Variants in CEP97 observed in about 807,000 individuals in gnomAD.
CEP97 encodes centrosomal protein of 97 kDa.
In CEP97, 43 loss-of-function variants were observed where a neutral mutation model predicts 73.1. The observed-to-expected ratio is 0.59, with a 90% CI of 0.46 to 0.76. The LOEUF (loss-of-function observed/expected upper bound fraction) is 0.76, where lower values mean the gene tolerates loss of function less well. Ranked by LOEUF, CEP97 falls within the 30% of genes least tolerant of loss-of-function variation. The pLI is 0.00. For synonymous variants in CEP97, 337 were observed against 370.0 expected (o/e 0.91, Z 1.02); for missense variants, 939 against 1,014.0 (o/e 0.93, Z 1.00).
At chr3:101,727,613 A>G in intron 3 of CEP97, 72 bp downstream of exon 3, 1 of 1,422,132 alleles carries the variant, frequency 7.0e-7, no homozygotes, top group South Asian at 1.4e-5. Flanking sequence ...AAATAAGTCA[A>G]ATTAAAAAGT....
rs1034635625 is a variant in CEP97, at chr3:101,765,217, A to C, written c.2264A>C (p.His755Pro). 1.2e-6 allele frequency: 2 copies of C among 1,614,236 alleles called. No individual in the cohort carries two copies. The highest frequency in any genetic ancestry group is 8.5e-7 in the Non-Finnish European group (1 of 1,180,034). ...ESDLGDVSEEHGEWNKESSNN... is the reference protein window; with the variant it reads ...ESDLGDVSEEPGEWNKESSNN... ...GATTTAGGGGATGTTAGTGAAGAACATGGTGAATGGAATAAGGAAAGCTCA... is the reference window on the plus strand; with the variant it reads ...GATTTAGGGGATGTTAGTGAAGAACCTGGTGAATGGAATAAGGAAAGCTCA... Residue 755 changes from histidine to proline, a missense_variant, in exon 11 of 11, where the codon CAT becomes CCT. Transcript: ENST00000341893.
intron 9 of CEP97, among the ~76,000 whole-genome samples, chr3:101,762,190 C>T (rs1038466132): frequency 6.6e-6 from 1 of 152,080 alleles, no homozygotes; most frequent in African/African-American, 2.4e-5. Context: ...TTTCTTATTA[C>T]TGGAAATACT....
chr3:101,737,686 G>A (rs546340138), intron 6 of CEP97, among the ~76,000 whole-genome samples: 1 of 152,172 alleles, frequency 6.6e-6, no homozygotes, highest in Admixed American at 6.5e-5. Flanking sequence ...AACCACTGAA[G>A]GAAGCACTAA....
At chr3:101,746,362 G>A (rs1373826278) in intron 6 of CEP97, among the ~76,000 whole-genome samples, 1 of 151,650 alleles carries the variant, frequency 6.6e-6, no homozygotes, top group Non-Finnish European at 1.5e-5. Flanking sequence ...AGAGCCCTCA[G>A]AAATAACGCC....
chr3:101,733,086 G>A (rs1436467267), intron 6 of CEP97, among the ~76,000 whole-genome samples: 1 of 152,094 alleles, frequency 6.6e-6, no homozygotes, highest in Non-Finnish European at 1.5e-5. Context: ...TTGTGTCATT[G>A]CACTCTACCT....
At position 101,762,521 on chromosome 3, in the gene CEP97, A is replaced by C. The variant is rs1363414868; in HGVS notation, c.1854A>C (p.Lys618Asn). The C allele has an allele frequency of 6.2e-7, 1 of 1,611,450 alleles. No individual in the cohort carries two copies. The highest frequency in any genetic ancestry group is 1.1e-5 in the South Asian group (1 of 90,616). ...AAAGAGATGAAGAACGTATTAAAAA[A>C]TTTGTACAAGAAGAAGCTTTCAGAT... ...RKERDEERIK[K>N]FVQEEAFRFL... The change falls in exon 10 of 11, where the codon AAA becomes AAC. Residue 618 changes from lysine to asparagine, a missense_variant. Lys to Asn is a moderately conservative substitution (Grantham distance 94, BLOSUM62 0). Coordinates refer to ENST00000341893, the MANE Select transcript of CEP97 (RefSeq NM_024548.4).
chr3:101,761,911 C>G (rs76401171), intron 9 of CEP97, among the ~76,000 whole-genome samples: 7,452 of 152,136 alleles, frequency 0.049, 649 homozygotes, highest in African/African-American at 0.17. Context: ...GCCCAGACCT[C>G]AGACTTTGAT....
At chr3:101,745,574 T>C (rs1267603527) in intron 6 of CEP97, among the ~76,000 whole-genome samples, 5 of 147,222 alleles carry the variant, frequency 3.4e-5, no homozygotes, top group African/African-American at 5.0e-5. Flanking sequence ...CCAATATCCT[T>C]TTTTTTTTTT....
intron 6 of CEP97, among the ~76,000 whole-genome samples, chr3:101,747,912 C>G (rs1423626347): frequency 6.6e-6 from 1 of 151,300 alleles, no homozygotes; most frequent in Non-Finnish European, 1.5e-5. Context: ...CACTTGAAGT[C>G]AGCAGTTCAA....
chr3:101,728,247 A>G (rs985809314), intron 3 of CEP97, among the ~76,000 whole-genome samples: 2 of 148,318 alleles, frequency 1.3e-5, no homozygotes, highest in East Asian at 2.0e-4. Flanking sequence ...ATATATTATT[A>G]CTATGGTTTC....
intron 6 of CEP97, among the ~76,000 whole-genome samples, chr3:101,748,493 T>C (rs1938696185): frequency 6.6e-6 from 1 of 152,202 alleles, no homozygotes; most frequent in African/African-American, 2.4e-5. Flanking sequence ...AATATTAAAG[T>C]TGGCGATTGT....
intron 6 of CEP97, among the ~76,000 whole-genome samples, chr3:101,750,236 A>G (rs1270329456): frequency 6.8e-6 from 1 of 147,260 alleles, no homozygotes; most frequent in African/African-American, 2.5e-5. Flanking sequence ...TCCCAGCACC[A>G]TTTATTAAAT....
chr3:101,726,393 A>C (rs1337767111), intron 1 of CEP97, among the ~76,000 whole-genome samples: 1 of 152,238 alleles, frequency 6.6e-6, no homozygotes, highest in Non-Finnish European at 1.5e-5. Flanking sequence ...TTTTAATTTG[A>C]TATTTCTGAA....
rs770443689 is a variant in CEP97, at chr3:101,731,961, T to C, written c.561+8T>C. ...ATCCGAGACTTAAATGAGGTAAAAT[T>C]TGAGGGTATTTTGTGAGATTCAGGA... On this transcript the variant is annotated splice_region_variant and intron_variant, in intron 5 of 10. Transcript: ENST00000341893. The C allele has an allele frequency of 6.8e-7, 1 of 1,475,100 alleles. No individual in the cohort carries two copies. The highest frequency in any genetic ancestry group is 1.1e-5 in the South Asian group (1 of 87,864). The allele number at this position is 1,475,100 out of a possible 1,614,324, so 91.4% of individuals were successfully genotyped here.
chr3:101,753,329 TGCTCAGG>T (rs1254930298), intron 6 of CEP97, among the ~76,000 whole-genome samples: 2 of 152,168 alleles, frequency 1.3e-5, no homozygotes, highest in Admixed American at 1.3e-4. Flanking sequence ...CCAGTTAGGC[TGCTCAGG>T]GGTCAGGGGT....
chr3:101,751,211 A>G (rs1028076510), intron 6 of CEP97, among the ~76,000 whole-genome samples: 2 of 152,194 alleles, frequency 1.3e-5, no homozygotes, highest in African/African-American at 4.8e-5. Context: ...GTTACCATGT[A>G]GTTGAGCGGT....
chr3:101,727,299 C>T (rs1560006779), intron 2 of CEP97, 84 bp from the exon 3 acceptor site: 7 of 1,162,530 alleles, frequency 6.0e-6, no homozygotes, highest in Non-Finnish European at 8.6e-6. Flanking sequence ...GTTTGGCTGT[C>T]TAAATAAACC....
chr3:101,724,753 A>T (rs1937821651), intron 1 of CEP97, 34 bp downstream of exon 1: 1 of 1,609,628 alleles, frequency 6.2e-7, no homozygotes, highest in African/African-American at 1.3e-5. Flanking sequence ...CCTAAGGTTT[A>T]CTTCACGGAG....
At chr3:101,764,758 G>T in intron 10 of CEP97, 89 bp from the exon 11 acceptor site, 1 of 1,170,222 alleles carries the variant, frequency 8.5e-7, no homozygotes, top group Middle Eastern at 3.0e-4. Context: ...ACTCCAGCCT[G>T]GGTGACAGAG....
Sources: allele counts gnomAD v4.1 joint callset (sites outside exome capture counted in the v4.1 genomes callset), GRCh38; gene constraint gnomAD v4.1.1; transcripts MANE v1.5; gene names NCBI Gene and HGNC (gene_info 2026-07-23, HGNC 2026-07-21).